Variants in CASTOR2 observed in about 807,000 individuals in gnomAD.
The protein encoded by CASTOR2 is cytosolic arginine sensor for mTORC1 subunit 2.
Under a neutral mutation model 31.2 loss-of-function variants are expected in CASTOR2, and 8 were observed. The ratio of observed to expected loss-of-function variants is 0.26; its 90% CI spans 0.15 to 0.46. The LOEUF (loss-of-function observed/expected upper bound fraction) is 0.46. CASTOR2 is among the 20% of genes least tolerant of loss of function. The pLI is 0.99. For synonymous variants in CASTOR2, 162 were observed against 158.7 expected, an observed-to-expected ratio of 1.02 and a Z score of -0.16; for missense variants, 216 against 382.1, an observed-to-expected ratio of 0.57 and a Z score of 3.62.
Position 75,019,081 on chromosome 7 carries a change from G to A in CASTOR2, c.621G>A (p.Met207Ile), listed in dbSNP as rs1274096137. The A allele has an allele frequency of 5.2e-6, 8 of 1,551,740 alleles. No individual in the cohort carries two copies. Among genetic ancestry groups the A allele is most frequent in the Non-Finnish European group, 6.1e-6 (7 of 1,147,052 alleles). Residue 207 changes from methionine (M) to isoleucine (I), a missense_variant, in exon 5 of 9, where the codon ATG becomes ATA. Met to Ile is a conservative substitution (Grantham distance 10). Coordinates refer to ENST00000616305, the MANE Select transcript of CASTOR2 (RefSeq NM_001145064.3). ...TTGCCACACTCCTCATGGATGTCAT[G>A]TTCTACTCCAATGGGTAGGGCTGCC... ...PAVATLLMDVMFYSNGVKDPM... is the reference protein window; with the variant it reads ...PAVATLLMDVIFYSNGVKDPM...
In CASTOR2 at chr7:75,025,265, A is replaced by G. The variant is rs1467067704; in HGVS notation, c.*566A>G. ...GCTGGTGAGGCTCAGACAGGAACCC[A>G]GGTGGGATCCCCGAGCTGGGAAGGA... On this transcript the variant is annotated 3_prime_UTR_variant, in exon 9 of 9. Transcript: ENST00000616305. 3.3e-5 allele frequency among the ~76,000 whole-genome samples: 5 copies of G among 152,228 alleles called. No homozygotes were observed. The highest frequency in any genetic ancestry group is 7.4e-5 in the Non-Finnish European group (5 of 68,022).
intron 1 of CASTOR2, among the ~76,000 whole-genome samples, chr7:74,997,407 A>G (rs1458051335): frequency 1.3e-5 from 2 of 150,194 alleles, no homozygotes; most frequent in East Asian, 3.9e-4. Flanking sequence ...CCAAGACCAC[A>G]GGATCGGACT....
At chr7:75,020,514 G>A (rs1188816594) in intron 6 of CASTOR2, among the ~76,000 whole-genome samples, 5 of 147,916 alleles carry the variant, frequency 3.4e-5, no homozygotes, top group South Asian at 4.3e-4. Context: ...TTTTTTAGAC[G>A]GAGTCTCGCT....
chr7:75,011,577 A>G (rs1324644985), intron 2 of CASTOR2, among the ~76,000 whole-genome samples: 2 of 151,872 alleles, frequency 1.3e-5, no homozygotes, highest in Non-Finnish European at 2.9e-5. Flanking sequence ...TACTAAAAAT[A>G]CAAAAAAAAT....
chr7:74,982,188 CA>C (rs1338124476), intron 1 of CASTOR2, among the ~76,000 whole-genome samples: 7 of 145,396 alleles, frequency 4.8e-5, no homozygotes, highest in Non-Finnish European at 1.0e-4. Context: ...GTGGAGGTGT[CA>C]GGGGCGCCCT....
At chr7:75,020,477 C>T (rs1484440530) in intron 6 of CASTOR2, among the ~76,000 whole-genome samples, 2 of 149,532 alleles carry the variant, frequency 1.3e-5, no homozygotes, top group African/African-American at 4.9e-5. Flanking sequence ...GCAATCCGCC[C>T]GCCTCAGGCG....
chr7:75,007,727 A>G (rs2131944581), intron 1 of CASTOR2, among the ~76,000 whole-genome samples: 1 of 152,016 alleles, frequency 6.6e-6, no homozygotes, highest in East Asian at 1.9e-4. Flanking sequence ...TCAGGCCTGG[A>G]CACAGTCATA....
intron 1 of CASTOR2, among the ~76,000 whole-genome samples, chr7:74,989,574 G>A (rs1309502885): frequency 1.7e-4 from 20 of 121,036 alleles, no homozygotes; most frequent in African/African-American, 5.4e-4. Flanking sequence ...CACTGTGTCC[G>A]CCTATTTTTT....
chr7:74,992,697 C>T (rs1554437482), intron 1 of CASTOR2, among the ~76,000 whole-genome samples: 1 of 152,156 alleles, frequency 6.6e-6, no homozygotes, highest in Non-Finnish European at 1.5e-5. Context: ...CTCAGCCTCC[C>T]AAAGTGCTGG....
At chr7:75,009,564 G>A (rs1412896978) in intron 2 of CASTOR2, among the ~76,000 whole-genome samples, 5 of 151,922 alleles carry the variant, frequency 3.3e-5, no homozygotes, top group South Asian at 2.1e-4. Context: ...CACCGCGCCC[G>A]GCCCTGAGAA....
chr7:75,026,715 A>ACC lies in CASTOR2; in HGVS notation c.*2017_*2018insCC, dbSNP rs1805145160. Reference sequence around the variant, plus strand: ...CACAAAACTCCAGAACAAAACTCGTACATTGCTGGTCCCAAAAGGGAGGTG... The same window carrying ACC: ...CACAAAACTCCAGAACAAAACTCGTACCCATTGCTGGTCCCAAAAGGGAGGTG... On this transcript the variant is annotated 3_prime_UTR_variant, in exon 9 of 9. Transcript: ENST00000616305. Among the ~76,000 whole-genome samples the ACC allele has an allele frequency of 6.6e-6, 1 of 152,042 alleles. No homozygotes were observed. The highest frequency in any genetic ancestry group is 6.6e-5 in the Admixed American group (1 of 15,250).
At chr7:74,980,693 A>T (rs1406832510) in intron 1 of CASTOR2, among the ~76,000 whole-genome samples, 1 of 138,766 alleles carries the variant, frequency 7.2e-6, no homozygotes, top group African/African-American at 3.3e-5. Context: ...CACATCTGAC[A>T]ATTGCAGGAT....
intron 2 of CASTOR2, among the ~76,000 whole-genome samples, chr7:75,014,027 C>A (rs2131950792): frequency 6.6e-6 from 1 of 152,244 alleles, no homozygotes; most frequent in East Asian, 1.9e-4. Context: ...CCGTACCCGG[C>A]CTCTTTTAAG....
chr7:75,013,737 C>CGT (rs1201005028), intron 2 of CASTOR2, among the ~76,000 whole-genome samples: 2 of 151,870 alleles, frequency 1.3e-5, no homozygotes, highest in Non-Finnish European at 2.9e-5. Flanking sequence ...CGATTTTTTA[C>CGT]GTGTGTGTGT....
chr7:74,985,242 G>C (rs2131924755), intron 1 of CASTOR2, among the ~76,000 whole-genome samples: 1 of 152,188 alleles, frequency 6.6e-6, no homozygotes, highest in South Asian at 2.1e-4. Context: ...GGCAGGTCTG[G>C]TTCTGGTCCT....
chr7:74,989,135 G>A (rs1804144096), intron 1 of CASTOR2, among the ~76,000 whole-genome samples: 1 of 150,278 alleles, frequency 6.7e-6, no homozygotes, highest in Admixed American at 6.6e-5. Context: ...TAATTTTTTT[G>A]TATTTTTACA....
At chr7:74,979,478 G>A (rs1382124353) in intron 1 of CASTOR2, among the ~76,000 whole-genome samples, 1 of 93,100 alleles carries the variant, frequency 1.1e-5, no homozygotes, top group Admixed American at 1.3e-4. Context: ...TACAGCCTCT[G>A]CCACCTGGGT....
intron 1 of CASTOR2, among the ~76,000 whole-genome samples, chr7:74,999,824 CG>C (rs1463035302): frequency 6.6e-6 from 1 of 151,710 alleles, no homozygotes; most frequent in East Asian, 1.9e-4. Flanking sequence ...CACCTTGTCC[CG>C]GATGGTCTTG....
intron 1 of CASTOR2, among the ~76,000 whole-genome samples, chr7:75,000,225 C>G (rs1402292688): frequency 6.6e-6 from 1 of 152,104 alleles, no homozygotes; most frequent in African/African-American, 2.4e-5. Flanking sequence ...GACACTGTCT[C>G]TAAAGGAATG....
Sources: allele counts gnomAD v4.1 joint callset (sites outside exome capture counted in the v4.1 genomes callset), GRCh38; gene constraint gnomAD v4.1.1; transcripts MANE v1.5; gene names NCBI Gene and HGNC (gene_info 2026-07-23, HGNC 2026-07-21).